CADM2: variants seen among roughly 807,000 people sequenced by gnomAD.
CADM2 encodes cell adhesion molecule 2, also known as immunoglobulin superfamily member 4D.
Under a neutral mutation model 49.8 loss-of-function variants are expected in CADM2, and 12 were observed. The ratio of observed to expected loss-of-function variants is 0.24; its 90% CI spans 0.15 to 0.39. The LOEUF is 0.39. Ranked by LOEUF, CADM2 falls within the 10% of genes least tolerant of loss-of-function variation. The pLI, the probability that CADM2 is intolerant of heterozygous loss-of-function variation, is 1.00. For synonymous variants in CADM2, 214 were observed against 175.4 expected (o/e 1.22, Z -1.74); for missense variants, 378 against 492.3 (o/e 0.77, Z 2.20).
intron 1 of CADM2, among the ~76,000 whole-genome samples, chr3:85,396,240 G>C (rs1260021286): frequency 6.6e-6 from 1 of 151,484 alleles, no homozygotes; most frequent in East Asian, 1.9e-4. Context: ...TTTCTTGCTT[G>C]CTGCTTGTGA....
Position 85,539,503 on chromosome 3 carries a change from CCTTA to C in CADM2, c.62-187016_62-187013del, listed in dbSNP as rs912702059. Among the ~76,000 whole-genome samples the C allele has an allele frequency of 2.1e-4, 32 of 152,092 alleles. 1 individual carries two copies. Among genetic ancestry groups the C allele is most frequent in the African/African-American group, 6.3e-4 (26 of 41,510 alleles). Reference sequence around the variant, plus strand: ...ATATCCCTAGCACCCCTACTAAATGCCTTACTAATGGTATAGATGCTCTAGCTCT... The same window carrying C: ...ATATCCCTAGCACCCCTACTAAATGCCTAATGGTATAGATGCTCTAGCTCT... On this transcript the variant is annotated intron_variant, in intron 1 of 9. Transcript: ENST00000383699.
intron 6 of CADM2, among the ~76,000 whole-genome samples, chr3:85,920,996 A>G (rs1369851022): frequency 6.6e-6 from 1 of 151,918 alleles, no homozygotes; most frequent in African/African-American, 2.4e-5. Flanking sequence ...ATAAAGAGGC[A>G]GTAAAACATA....
chr3:85,223,386 A>G (rs2042082495), intron 1 of CADM2, among the ~76,000 whole-genome samples: 1 of 152,132 alleles, frequency 6.6e-6, no homozygotes, highest in African/African-American at 2.4e-5. Context: ...TTGCCTCTGT[A>G]ACTTAATAAT....
intron 1 of CADM2, among the ~76,000 whole-genome samples, chr3:85,541,760 TA>T (rs1462537949): frequency 2.0e-4 from 5 of 24,552 alleles, no homozygotes; most frequent in African/African-American, 2.6e-4. Flanking sequence ...ATATTTTATA[TA>T]TATATTTTAT....
At chr3:85,888,233 T>G (rs1713937652) in intron 5 of CADM2, among the ~76,000 whole-genome samples, 1 of 152,184 alleles carries the variant, frequency 6.6e-6, no homozygotes, top group Non-Finnish European at 1.5e-5. Context: ...CTCATTAATA[T>G]TGATTGATTG....
intron 1 of CADM2, among the ~76,000 whole-genome samples, chr3:85,118,410 T>A (rs1263319285): frequency 6.6e-6 from 1 of 152,196 alleles, no homozygotes; most frequent in Non-Finnish European, 1.5e-5. Flanking sequence ...AGAGGTTTAA[T>A]GGACCCCAGT....
chr3:85,289,771 G>A (rs927487529), intron 1 of CADM2, among the ~76,000 whole-genome samples: 1 of 152,102 alleles, frequency 6.6e-6, no homozygotes, highest in African/African-American at 2.4e-5. Flanking sequence ...AACACTATTT[G>A]TTAAACAACC....
At chr3:85,551,420 C>G (rs79306947) in intron 1 of CADM2, among the ~76,000 whole-genome samples, 3,165 of 152,204 alleles carry the variant, frequency 0.021, 103 homozygotes, top group African/African-American at 0.071. Context: ...TACTGCCCAT[C>G]TATCCTGCTT....
At position 86,072,930 on chromosome 3, in the gene CADM2, C is replaced by A. The variant is rs1324391259; in HGVS notation, c.*6147C>A. On this transcript the variant is annotated 3_prime_UTR_variant, in exon 10 of 10. Transcript: ENST00000383699. ...CCTTATAAATGTACACAATTTTAAT[C>A]TTTTTACAAATTTATTTAACTGTAC... 1 of 151,994 alleles carries A rather than the reference C, an allele frequency of 6.6e-6. No homozygotes were observed. Among genetic ancestry groups the A allele is most frequent in the African/African-American group, 2.4e-5 (1 of 41,418 alleles). 9.4% of individuals were successfully genotyped at this position (151,994 alleles called of 1,614,324 possible). A position where few individuals can be genotyped will look rare whatever the true frequency, so the allele number is the denominator to read the frequency against.
At chr3:85,752,950 T>G (rs1485512876) in intron 2 of CADM2, among the ~76,000 whole-genome samples, 1 of 152,142 alleles carries the variant, frequency 6.6e-6, no homozygotes, top group Non-Finnish European at 1.5e-5. Context: ...CTAAGGAGGC[T>G]TCCCAGGTTT....
At chr3:85,492,596 T>A (rs1183834578) in intron 1 of CADM2, among the ~76,000 whole-genome samples, 1 of 151,630 alleles carries the variant, frequency 6.6e-6, no homozygotes, top group Non-Finnish European at 1.5e-5. Flanking sequence ...TAAAAAAAAA[T>A]GAATAAATAA....
rs995604381 is a variant in CADM2 at position 85,463,275 on chromosome 3, T to A, written c.62-263247T>A. Among the ~76,000 whole-genome samples the A allele has an allele frequency of 2.6e-5, 4 of 152,164 alleles. No homozygotes were observed. The East Asian group carries it at 5.8e-4, about 22-fold the overall frequency. ...AGTGGTTGTGAAATGCTGAAACATT[T>A]CCCCATTATTCTAACTGATTTTGAA... On this transcript the variant is annotated intron_variant, in intron 1 of 9. Coordinates refer to ENST00000383699, the MANE Select transcript of CADM2 (RefSeq NM_001167675.2).
At chr3:85,571,419 T>C (rs2062471449) in intron 1 of CADM2, among the ~76,000 whole-genome samples, 1 of 151,892 alleles carries the variant, frequency 6.6e-6, no homozygotes, top group South Asian at 2.1e-4. Flanking sequence ...GTTTTTTTTT[T>C]CTGCTGAAAT....
In CADM2 at chr3:85,405,494, C is replaced by G. The variant is rs1014322769; in HGVS notation, c.62-321028C>G. Among the ~76,000 whole-genome samples the G allele has an allele frequency of 2.0e-5, 3 of 152,232 alleles. No individual in the cohort carries two copies. In the South Asian group the frequency reaches 6.2e-4, roughly 32 times the overall value. On this transcript the variant is annotated intron_variant, in intron 1 of 9. Transcript: ENST00000383699. ...CTCATTAGTCAAGCCAAACCCTAAG[C>G]TCTCTGTGATACTGCTCCTCTGACT... is the stretch of plus-strand genomic sequence containing the variant.
intron 1 of CADM2, among the ~76,000 whole-genome samples, chr3:85,305,114 G>A (rs545058790): frequency 2.0e-4 from 31 of 151,332 alleles, no homozygotes; most frequent in African/African-American, 7.0e-4. Context: ...CAGGTTTGTG[G>A]TAGTAAATAA....
intron 3 of CADM2, among the ~76,000 whole-genome samples, chr3:85,805,163 G>C (rs886446432): frequency 6.6e-6 from 1 of 151,944 alleles, no homozygotes; most frequent in East Asian, 1.9e-4. Context: ...AGGCTAGGCT[G>C]CAACTCCTGA....
Position 85,202,522 on chromosome 3 carries a change from A to C in CADM2, c.61+242854A>C, listed in dbSNP as rs531088155. On this transcript the variant is annotated intron_variant, in intron 1 of 9. Transcript: ENST00000383699. The stretch of plus-strand genomic sequence containing the variant: ...CAGTAGGTCTCAACAGTGGGCTTAA[A>C]ATATTCAGTAAATCACGCTGTAAAC... 3.9e-5 allele frequency among the ~76,000 whole-genome samples: 6 copies of C among 152,226 alleles called. No individual in the cohort carries two copies. In the South Asian group the frequency reaches 1.2e-3, roughly 32 times the overall value.
At chr3:85,240,106 A>T (rs1347852333) in intron 1 of CADM2, among the ~76,000 whole-genome samples, 1 of 149,986 alleles carries the variant, frequency 6.7e-6, no homozygotes, top group Non-Finnish European at 1.5e-5. Flanking sequence ...TGTGCTATTT[A>T]CTTTGTTACC....
In CADM2 at chr3:86,006,338, T is replaced by A. The variant is rs1272022721; in HGVS notation, c.970+44691T>A. On this transcript the variant is annotated intron_variant, in intron 8 of 9. Coordinates refer to ENST00000383699, the MANE Select transcript of CADM2 (RefSeq NM_001167675.2). ...GGTGTCATCCTTGATGACAGAATAG[T>A]CAACATGATGGCAGGATCTGGGCAG... Among the ~76,000 whole-genome samples the A allele has an allele frequency of 3.3e-5, 5 of 152,190 alleles. No homozygotes were observed. The East Asian group carries it at 9.7e-4, about 29-fold the overall frequency.
Sources: gnomAD v4.1 joint callset for allele counts (sites outside exome capture counted in the v4.1 genomes callset) on GRCh38, gnomAD v4.1.1 for gene constraint, MANE v1.5 for transcripts, NCBI Gene and HGNC (gene_info 2026-07-23, HGNC 2026-07-21) for gene names.